The following IL1RAPL1 variants were observed in gnomAD, a reference collection of about 807,000 sequenced individuals.
The protein encoded by IL1RAPL1 is interleukin 1 receptor accessory protein like 1, also known as interleukin-1 receptor accessory protein-like 1.
In IL1RAPL1, 3 loss-of-function variants were observed where a neutral mutation model predicts 48.4. That is an observed-to-expected ratio of 0.06 (90% CI 0.03 to 0.16). The LOEUF (loss-of-function observed/expected upper bound fraction) is 0.16, where lower values mean the gene tolerates loss of function less well. Among genes scored for constraint, IL1RAPL1 ranks in the 10% least tolerant of loss-of-function variants. The pLI is 1.00. For missense variants in IL1RAPL1, 349 were observed against 530.6 expected (o/e 0.66, Z 3.36); for synonymous variants, 185 against 187.7 (o/e 0.99, Z 0.12).
At chrX:29,609,568 G>A (rs1275605927) in intron 5 of IL1RAPL1, among the ~76,000 whole-genome samples, 1 of 111,791 alleles carries the variant, frequency 8.9e-6, no homozygotes, top group East Asian at 2.8e-4. Flanking sequence ...ATGATCATCA[G>A]TCATCTATGT....
chrX:29,879,357 ATGTG>A (rs370851302), intron 6 of IL1RAPL1, among the ~76,000 whole-genome samples: 1,448 of 83,930 alleles, frequency 0.017, 13 homozygotes, highest in African/African-American at 0.034. Flanking sequence ...AGTTTTATAT[ATGTG>A]TGTGTGTGTG....
chrX:29,186,880 T>C (rs774774918), intron 2 of IL1RAPL1, among the ~76,000 whole-genome samples: 2 of 111,176 alleles, frequency 1.8e-5, no homozygotes, highest in South Asian at 7.6e-4. Context: ...TGCAGAAAAG[T>C]AAATACCACA....
At chrX:29,552,925 T>C (rs1299666442) in intron 5 of IL1RAPL1, among the ~76,000 whole-genome samples, 2 of 108,254 alleles carry the variant, frequency 1.8e-5, no homozygotes, top group African/African-American at 6.7e-5. Flanking sequence ...ATTCTTTATT[T>C]CTGTCATAAT....
intron 3 of IL1RAPL1, among the ~76,000 whole-genome samples, chrX:29,324,087 C>T (rs750266427): frequency 6.6e-4 from 72 of 109,061 alleles, no homozygotes; most frequent in African/African-American, 2.4e-3. Flanking sequence ...TTTTGAAGCA[C>T]GGCATACCTT....
At chrX:29,081,320 T>G (rs1371965822) in intron 2 of IL1RAPL1, among the ~76,000 whole-genome samples, 2 of 108,856 alleles carry the variant, frequency 1.8e-5, no homozygotes, top group African/African-American at 3.4e-5. Context: ...CCCCCCAAAG[T>G]GCTAGGATTA....
At chrX:28,891,838 TAGTATCTGAGGGTGCC>T (rs1250180344) in intron 2 of IL1RAPL1, among the ~76,000 whole-genome samples, 1 of 111,626 alleles carries the variant, frequency 9.0e-6, no homozygotes, top group Non-Finnish European at 1.9e-5. Flanking sequence ...CTCCAGCTAA[TAGTATCTGAGGGTGCC>T]AGTTCCTCCA....
At chrX:28,625,555 C>T (rs1339353000) in intron 1 of IL1RAPL1, among the ~76,000 whole-genome samples, 2 of 112,035 alleles carry the variant, frequency 1.8e-5, no homozygotes, top group Non-Finnish European at 3.8e-5. Context: ...TCTTCGGAAG[C>T]AATCCCTCAC....
intron 5 of IL1RAPL1, among the ~76,000 whole-genome samples, chrX:29,416,395 G>A (rs1458538059): frequency 9.0e-6 from 1 of 111,057 alleles, no homozygotes; most frequent in Admixed American, 9.7e-5. Flanking sequence ...AATTAGCTGG[G>A]TGTGGTGGCA....
chrX:29,029,965 G>A lies in IL1RAPL1; in HGVS notation c.82+240540G>A, dbSNP rs548901873. Among the ~76,000 whole-genome samples, 45 of 106,072 alleles carry A rather than the reference G, an allele frequency of 4.2e-4. No individual in the cohort carries two copies. In the South Asian group the frequency reaches 7.1e-3, roughly 17 times the overall value. 92.1% of individuals were successfully genotyped at this position (106,072 alleles called of 115,157 possible). A position where few individuals can be genotyped will look rare whatever the true frequency, so the allele number is the denominator to read the frequency against. ...TCTTTTTTTTTTTTTTTGGCTTGTG[G>A]ATGTCCAATTGTTCCAACACCATTG... is the stretch of plus-strand genomic sequence containing the variant. On this transcript the variant is annotated intron_variant, in intron 2 of 10. Coordinates refer to ENST00000378993, the MANE Select transcript of IL1RAPL1 (RefSeq NM_014271.4).
At chrX:28,660,026 C>A in intron 1 of IL1RAPL1, among the ~76,000 whole-genome samples, 1 of 109,192 alleles carries the variant, frequency 9.2e-6, no homozygotes, top group Non-Finnish European at 1.9e-5. Flanking sequence ...GAAAATCACT[C>A]TATAACACTT....
At chrX:28,778,561 A>G (rs1186251218) in intron 1 of IL1RAPL1, among the ~76,000 whole-genome samples, 2 of 112,154 alleles carry the variant, frequency 1.8e-5, no homozygotes, top group Non-Finnish European at 3.8e-5. Flanking sequence ...GAAAGGCGTA[A>G]GAAAGGTGAA....
intron 6 of IL1RAPL1, among the ~76,000 whole-genome samples, chrX:29,828,632 G>A (rs1371914353): frequency 8.9e-6 from 1 of 111,756 alleles, no homozygotes; most frequent in East Asian, 2.8e-4. Context: ...TGTTGAACAT[G>A]TTAGTTTTGA....
intron 2 of IL1RAPL1, among the ~76,000 whole-genome samples, chrX:29,011,194 C>A (rs769364099): frequency 9.0e-6 from 1 of 111,431 alleles, no homozygotes; most frequent in African/African-American, 3.3e-5. Flanking sequence ...AGTACAGCCA[C>A]AATAGAAAAC....
intron 2 of IL1RAPL1, among the ~76,000 whole-genome samples, chrX:29,253,092 G>A (rs1302388955): frequency 9.0e-6 from 1 of 110,551 alleles, no homozygotes; most frequent in Non-Finnish European, 1.9e-5. Context: ...TCTCAAAAAT[G>A]ACAAGAAAGT....
intron 2 of IL1RAPL1, among the ~76,000 whole-genome samples, chrX:28,802,882 A>G (rs993296696): frequency 2.7e-5 from 3 of 111,730 alleles, no homozygotes; most frequent in Non-Finnish European, 5.7e-5. Flanking sequence ...AGAAATAAAC[A>G]TGGGAAGAAA....
At chrX:29,642,384 G>A (rs199667474) in intron 5 of IL1RAPL1, among the ~76,000 whole-genome samples, 6 of 112,288 alleles carry the variant, frequency 5.3e-5, no homozygotes, top group African/African-American at 1.9e-4. Flanking sequence ...GAGGGACCAC[G>A]AAATTCAATA....
intron 5 of IL1RAPL1, among the ~76,000 whole-genome samples, chrX:29,413,624 G>A (rs1006355509): frequency 7.5e-5 from 8 of 107,192 alleles, no homozygotes; most frequent in African/African-American, 2.4e-4. Context: ...TTGTCCTTGT[G>A]ATAGTTTGCT....
intron 3 of IL1RAPL1, among the ~76,000 whole-genome samples, chrX:29,356,185 A>G (rs1240807282): frequency 9.0e-6 from 1 of 110,912 alleles, no homozygotes; most frequent in East Asian, 2.8e-4. Context: ...GTTCCTTATC[A>G]TCATTGGCCC....
intron 2 of IL1RAPL1, among the ~76,000 whole-genome samples, chrX:29,240,216 ATATATATATTTTTTTTTTTTT>A (rs1931389916): frequency 3.7e-5 from 1 of 27,050 alleles, no homozygotes; most frequent in Non-Finnish European, 5.6e-5. Context: ...ATATATATAT[ATATATATATTTTTTTTTTTTT>A]TTTTTTTTTT....
Sources: gnomAD v4.1 joint callset for allele counts (sites outside exome capture counted in the v4.1 genomes callset) on GRCh38, gnomAD v4.1.1 for gene constraint, MANE v1.5 for transcripts, NCBI Gene and HGNC (gene_info 2026-07-23, HGNC 2026-07-21) for gene names.